The following HTRA3 variants were observed in gnomAD, a reference collection of about 807,000 sequenced individuals.
The protein encoded by HTRA3 is HtrA serine peptidase 3.
In HTRA3, 41 loss-of-function variants were observed where a neutral mutation model predicts 43.2. The ratio of observed to expected loss-of-function variants is 0.95; its 90% CI spans 0.74 to 1.23. The LOEUF is 1.23. HTRA3 is among the 50% of genes most tolerant of loss of function. HTRA3 has a pLI of 0.00. For synonymous variants in HTRA3, 295 were observed against 287.9 expected (o/e 1.02, Z -0.25); for missense variants, 628 against 647.1 (o/e 0.97, Z 0.32).
chr4:8,285,480 T>G (rs1379748387), intron 2 of HTRA3, among the ~76,000 whole-genome samples: 1 of 152,182 alleles, frequency 6.6e-6, no homozygotes, highest in Non-Finnish European at 1.5e-5. Flanking sequence ...CTCACCTGCC[T>G]GCACGTGCCA....
At position 8,306,216 on chromosome 4, in the gene HTRA3, C is replaced by T. The variant is rs1713844354; in HGVS notation, c.*80C>T. On this transcript the variant is annotated 3_prime_UTR_variant, in exon 9 of 9. Coordinates refer to ENST00000307358, the MANE Select transcript of HTRA3 (RefSeq NM_053044.5). The surrounding 1 kb of genome is among the most constrained non-coding windows in gnomAD (Gnocchi z 8.9). ...GCCCCCCCGAGATCAGGACGAAGGACCACCGTCGGTCCTCAGCAGGGCGGC... is the reference window on the plus strand; with the variant it reads ...GCCCCCCCGAGATCAGGACGAAGGATCACCGTCGGTCCTCAGCAGGGCGGC... The T allele has an allele frequency of 3.5e-6, 5 of 1,420,306 alleles. No individual in the cohort carries two copies. Among genetic ancestry groups the T allele is most frequent in the Middle Eastern group, 2.6e-4 (1 of 3,878 alleles). 88.0% of individuals were successfully genotyped at this position (1,420,306 alleles called of 1,614,324 possible).
intron 1 of HTRA3, among the ~76,000 whole-genome samples, chr4:8,277,996 G>A (rs1287979300): frequency 6.6e-6 from 1 of 152,210 alleles, no homozygotes; most frequent in Admixed American, 6.5e-5. Context: ...CATACAGTTG[G>A]GCAGGTTGTG....
chr4:8,282,113 C>T (rs906944266), intron 1 of HTRA3, among the ~76,000 whole-genome samples: 3 of 152,194 alleles, frequency 2.0e-5, no homozygotes, highest in Non-Finnish European at 2.9e-5. Context: ...GCCTCACTCC[C>T]GTGTGGCTCA....
In HTRA3 at chr4:8,271,368, T is replaced by C. The variant is rs181991818; in HGVS notation, c.385+1015T>C. Among the ~76,000 whole-genome samples the C allele has an allele frequency of 8.4e-3, 1,279 of 152,292 alleles. 63 individuals are homozygous for C. Among genetic ancestry groups the C allele is most frequent in the Admixed American group, 0.071 (1,093 of 15,300 alleles). ...CTGAGAAAACCTGCAGTGTCCTCAATTGATGAAACCCAGGGCTTCCCCAGA... is the reference window on the plus strand; with the variant it reads ...CTGAGAAAACCTGCAGTGTCCTCAACTGATGAAACCCAGGGCTTCCCCAGA... On this transcript the variant is annotated intron_variant, in intron 1 of 8. Transcript: ENST00000307358.
Position 8,294,959 on chromosome 4 carries a change from C to A in HTRA3, c.1051+758C>A, listed in dbSNP as rs1348175813. Among the ~76,000 whole-genome samples, 3 of 151,846 alleles carry A rather than the reference C, an allele frequency of 2.0e-5. No homozygotes were observed. In the East Asian group the frequency reaches 5.8e-4, roughly 29 times the overall value. ...TTCATCCACCCATCCATCCGTCCAT[C>A]CATCATCCATCCATTTACCCATCCA... On this transcript the variant is annotated intron_variant, in intron 6 of 8. Coordinates refer to ENST00000307358, the MANE Select transcript of HTRA3 (RefSeq NM_053044.5).
intron 1 of HTRA3, among the ~76,000 whole-genome samples, chr4:8,280,158 C>A (rs1712686873): frequency 6.6e-6 from 1 of 152,120 alleles, no homozygotes; most frequent in Non-Finnish European, 1.5e-5. Flanking sequence ...GGTGGCCCGA[C>A]AAAGGCCACA....
chr4:8,270,059 G>A lies in HTRA3; in HGVS notation c.91G>A (p.Val31Met), dbSNP rs1712184746. The stretch of plus-strand genomic sequence containing the variant: ...GGCGCCGTGTCCCGCGCGCTGCGAC[G>A]TGTCGCGGTGTCCCAGCCCCCGCTG... ...PAAPCPARCD[V>M]SRCPSPRCPG... The change falls in exon 1 of 9, where the codon GTG becomes ATG. Residue 31 changes from valine (V) to methionine (M), a missense_variant. Transcript: ENST00000307358. 15 of 1,485,856 alleles carry A rather than the reference G, an allele frequency of 1.0e-5. No individual in the cohort carries two copies. The highest frequency in any genetic ancestry group is 1.3e-5 in the Non-Finnish European group (15 of 1,126,914). 92.0% of individuals were successfully genotyped at this position (1,485,856 alleles called of 1,614,324 possible).
intron 2 of HTRA3, among the ~76,000 whole-genome samples, chr4:8,284,030 C>G (rs926027401): frequency 1.3e-5 from 2 of 152,166 alleles, no homozygotes; most frequent in African/African-American, 4.8e-5. Context: ...GAGCGCGTGA[C>G]GGGCATATAG....
In HTRA3 at chr4:8,301,118, TTTA is replaced by T. The variant is rs553309778; in HGVS notation, c.1052-1342_1052-1340del. 1.8e-4 allele frequency among the ~76,000 whole-genome samples: 28 copies of T among 151,596 alleles called. 1 individual carries two copies. Among genetic ancestry groups the T allele is most frequent in the South Asian group, 4.2e-4 (2 of 4,766 alleles). ...TTTATTATTGATTCACACTCTCAGC[TTTA>T]TTGAGTCACACTCTTATTAGATTCA... On this transcript the variant is annotated intron_variant, in intron 6 of 8. Coordinates refer to ENST00000307358, the MANE Select transcript of HTRA3 (RefSeq NM_053044.5).
At chr4:8,280,759 A>G (rs1448305862) in intron 1 of HTRA3, among the ~76,000 whole-genome samples, 1 of 152,164 alleles carries the variant, frequency 6.6e-6, no homozygotes, top group Non-Finnish European at 1.5e-5. Context: ...GCCAGGCTCT[A>G]GCCACCCCAG....
chr4:8,273,808 T>G (rs1712404947), intron 1 of HTRA3, among the ~76,000 whole-genome samples: 1 of 149,930 alleles, frequency 6.7e-6, no homozygotes, highest in African/African-American at 2.5e-5. Context: ...AGTTTGGGAC[T>G]TGGTGTGGGG....
chr4:8,273,055 A>G (rs1007281058), intron 1 of HTRA3, among the ~76,000 whole-genome samples: 12 of 152,160 alleles, frequency 7.9e-5, no homozygotes, highest in African/African-American at 2.9e-4. Context: ...GTCCTTTCCC[A>G]GGCACCACAG....
At chr4:8,270,647 C>G (rs1712232018) in intron 1 of HTRA3, among the ~76,000 whole-genome samples, 2 of 152,210 alleles carry the variant, frequency 1.3e-5, no homozygotes, top group Admixed American at 1.3e-4. Context: ...GAACTGATGT[C>G]TCGTGCCCAT....
At chr4:8,301,445 T>C (rs1481676690) in intron 6 of HTRA3, among the ~76,000 whole-genome samples, 4 of 152,024 alleles carry the variant, frequency 2.6e-5, no homozygotes, top group Non-Finnish European at 4.4e-5. Flanking sequence ...CTCAGCTTTA[T>C]TGAGTCACAC....
intron 1 of HTRA3, among the ~76,000 whole-genome samples, chr4:8,272,993 C>G (rs953548649): frequency 6.6e-6 from 1 of 152,204 alleles, no homozygotes; most frequent in Non-Finnish European, 1.5e-5. Context: ...CTGTGGAGGC[C>G]TTGGGTGCCC....
chr4:8,298,798 C>T (rs1191006515), intron 6 of HTRA3, among the ~76,000 whole-genome samples: 2 of 152,188 alleles, frequency 1.3e-5, no homozygotes, highest in African/African-American at 2.4e-5. Context: ...GCACCGTTGT[C>T]CAAAAGAGAA....
At chr4:8,278,550 G>A (rs1578789973) in intron 1 of HTRA3, among the ~76,000 whole-genome samples, 1 of 152,220 alleles carries the variant, frequency 6.6e-6, no homozygotes, top group Non-Finnish European at 1.5e-5. Flanking sequence ...CCTGTGGAAA[G>A]AGGCAGTGGG....
intron 2 of HTRA3, among the ~76,000 whole-genome samples, chr4:8,285,146 C>G (rs1712904980): frequency 6.6e-6 from 1 of 152,146 alleles, no homozygotes; most frequent in Non-Finnish European, 1.5e-5. Flanking sequence ...ACTTCCCTCC[C>G]TTAAAGACAA....
intron 7 of HTRA3, among the ~76,000 whole-genome samples, chr4:8,303,270 T>C (rs1199285200): frequency 3.3e-5 from 5 of 152,212 alleles, no homozygotes; most frequent in Non-Finnish European, 2.9e-5. Flanking sequence ...GAATCACCTG[T>C]GGTGGGACCG....
Sources: allele counts gnomAD v4.1 joint callset (sites outside exome capture counted in the v4.1 genomes callset), GRCh38; gene constraint gnomAD v4.1.1; non-coding constraint Gnocchi (gnomAD v3.1); transcripts MANE v1.5; gene names NCBI Gene and HGNC (gene_info 2026-07-23, HGNC 2026-07-21).